PHF21B: variants seen among roughly 807,000 people sequenced by gnomAD.
PHF21B encodes PHD finger protein 4.
Under a neutral mutation model 62.2 loss-of-function variants are expected in PHF21B, and 22 were observed. The observed-to-expected ratio is 0.35, with a 90% CI of 0.25 to 0.51. The LOEUF is 0.51. PHF21B is among the 20% of genes least tolerant of loss of function. PHF21B has a pLI of 0.97. For synonymous variants in PHF21B, 341 were observed against 314.7 expected, an observed-to-expected ratio of 1.08 and a Z score of -0.88; for missense variants, 701 against 707.9, an observed-to-expected ratio of 0.99 and a Z score of 0.11.
At chr22:44,903,843 G>A (rs1297315256) in intron 5 of PHF21B, among the ~76,000 whole-genome samples, 1 of 151,990 alleles carries the variant, frequency 6.6e-6, no homozygotes, top group Non-Finnish European at 1.5e-5. Context: ...TGTTTATTTA[G>A]GTATGCCTCT....
chr22:44,950,855 C>T (rs369924261), intron 2 of PHF21B, among the ~76,000 whole-genome samples: 168 of 152,268 alleles, frequency 1.1e-3, no homozygotes, highest in African/African-American at 3.7e-3. Flanking sequence ...TCCAGAGACG[C>T]TTGATTTTTT....
chr22:44,915,749 C>T (rs1308380543), intron 4 of PHF21B, among the ~76,000 whole-genome samples: 1 of 152,182 alleles, frequency 6.6e-6, no homozygotes, highest in East Asian at 1.9e-4. Flanking sequence ...ATGAGGCAGC[C>T]CCGAAGGCCT....
chr22:44,883,031 T>A lies in PHF21B; in HGVS notation c.*55A>T. 6.6e-7 allele frequency: 1 copy of A among 1,520,600 alleles called. No individual in the cohort carries two copies. The highest frequency in any genetic ancestry group is 2.3e-5 in the East Asian group (1 of 43,984). The allele number at this position is 1,520,600 out of a possible 1,614,324, so 94.2% of individuals were successfully genotyped here. ...ATTAAGGCCGACAGAACCCCCAGGC[T>A]GTGTAAGCAGGGTCCCAATAACTTT... On this transcript the variant is annotated 3_prime_UTR_variant, in exon 13 of 13. Coordinates refer to ENST00000313237, the MANE Select transcript of PHF21B (RefSeq NM_138415.5).
At chr22:44,945,371 G>A (rs1357864083) in intron 2 of PHF21B, among the ~76,000 whole-genome samples, 1 of 152,208 alleles carries the variant, frequency 6.6e-6, no homozygotes, top group African/African-American at 2.4e-5. Context: ...AAGCATGGGA[G>A]GCACTTGTCT....
rs148608114 is a variant in PHF21B at position 44,955,903 on chromosome 22, C to T, written c.121-35413G>A. Reference sequence around the variant, plus strand: ...TCGGGCCATGGTCAGCACTCAAAGACGCTTCCGTCATATTACAGATGAGGA... The same window carrying T: ...TCGGGCCATGGTCAGCACTCAAAGATGCTTCCGTCATATTACAGATGAGGA... On this transcript the variant is annotated intron_variant, in intron 2 of 12. Transcript: ENST00000313237. 2.6e-5 allele frequency among the ~76,000 whole-genome samples: 4 copies of T among 152,326 alleles called. No homozygotes were observed. In the East Asian group the frequency reaches 7.7e-4, roughly 29 times the overall value.
intron 6 of PHF21B, 79 bp downstream of exon 6, chr22:44,895,953 A>T: frequency 6.6e-7 from 1 of 1,505,276 alleles, no homozygotes; most frequent in African/African-American, 1.4e-5. Context: ...CAGACCACCC[A>T]TCATCACACC....
At chr22:44,985,732 T>C (rs2072933562) in intron 2 of PHF21B, among the ~76,000 whole-genome samples, 1 of 152,204 alleles carries the variant, frequency 6.6e-6, no homozygotes, top group Non-Finnish European at 1.5e-5. Context: ...AAAACACTTT[T>C]ACTCACCATA....
chr22:44,884,452 C>T (rs1160877646), intron 12 of PHF21B, among the ~76,000 whole-genome samples: 4 of 127,110 alleles, frequency 3.1e-5, no homozygotes, highest in African/African-American at 1.2e-4. Context: ...ACCACCATCA[C>T]GGTGATGAGC....
At chr22:44,979,258 A>T (rs536647664) in intron 2 of PHF21B, among the ~76,000 whole-genome samples, 8 of 152,358 alleles carry the variant, frequency 5.3e-5, no homozygotes, top group Middle Eastern at 6.8e-3. Context: ...CTCTCTGAGC[A>T]GCCCTGGTCC....
chr22:44,990,209 GC>G (rs1377262511), intron 2 of PHF21B, among the ~76,000 whole-genome samples: 1 of 152,172 alleles, frequency 6.6e-6, no homozygotes, highest in South Asian at 2.1e-4. Flanking sequence ...CCTGGACTAT[GC>G]CCCCAGAGGA....
At chr22:44,890,641 A>T (rs2070946668) in intron 8 of PHF21B, among the ~76,000 whole-genome samples, 1 of 152,264 alleles carries the variant, frequency 6.6e-6, no homozygotes, top group African/African-American at 2.4e-5. Flanking sequence ...ATGGTTTTCT[A>T]ACTGAAGAGA....
intron 2 of PHF21B, among the ~76,000 whole-genome samples, chr22:44,923,957 G>A (rs181156731): frequency 6.9e-4 from 105 of 151,342 alleles, no homozygotes; most frequent in African/African-American, 2.4e-3. Flanking sequence ...GCTGCAGTGA[G>A]CCATGATTGC....
In PHF21B at chr22:44,969,379, G is replaced by A. The variant is rs909773193; in HGVS notation, c.120+39166C>T. On this transcript the variant is annotated intron_variant, in intron 2 of 12. Transcript: ENST00000313237. Reference sequence around the variant, plus strand: ...CCTCCATTTCTGCAACTGAAAAATGGAGCCGGCCGGGCACGGTGGCTCGCA... The same window carrying A: ...CCTCCATTTCTGCAACTGAAAAATGAAGCCGGCCGGGCACGGTGGCTCGCA... Among the ~76,000 whole-genome samples, 3 of 152,222 alleles carry A rather than the reference G, an allele frequency of 2.0e-5. No individual in the cohort carries two copies. The East Asian group carries it at 5.8e-4, about 29-fold the overall frequency.
rs756342796 is a variant in PHF21B, at chr22:44,920,394, T to C, written c.213+4A>G. On this transcript the variant is annotated splice_donor_region_variant and intron_variant, in intron 3 of 12. Transcript: ENST00000313237. ...ACCCCAGGGCCCGCCCGAGGGCTGC[T>C]TACCTGAGGTAGCACTGCCGCTCCT... The C allele has an allele frequency of 6.2e-7, 1 of 1,606,846 alleles. No homozygotes were observed. Among genetic ancestry groups the C allele is most frequent in the Non-Finnish European group, 8.5e-7 (1 of 1,175,680 alleles).
At chr22:44,898,632 T>C (rs999491887) in intron 5 of PHF21B, among the ~76,000 whole-genome samples, 1 of 152,202 alleles carries the variant, frequency 6.6e-6, no homozygotes, top group African/African-American at 2.4e-5. Context: ...AATTTTAAAA[T>C]GCATCAATTT....
At chr22:44,886,072 G>A (rs1476134896) in intron 10 of PHF21B, 134 bp from the exon 11 acceptor site, 1 of 734,750 alleles carries the variant, frequency 1.4e-6, no homozygotes, top group African/African-American at 1.8e-5. Context: ...ACCAGGAGCT[G>A]GGGCCGCACA....
intron 2 of PHF21B, among the ~76,000 whole-genome samples, chr22:45,005,456 A>G (rs111694613): frequency 1.3e-5 from 2 of 152,222 alleles, no homozygotes; most frequent in Admixed American, 6.5e-5. Flanking sequence ...TCCGAATGGT[A>G]GGACAAAAAC....
chr22:44,941,868 G>T (rs2071965150), intron 2 of PHF21B, among the ~76,000 whole-genome samples: 1 of 152,284 alleles, frequency 6.6e-6, no homozygotes, highest in East Asian at 1.9e-4. Flanking sequence ...AGGTACAGGG[G>T]ACACAGCACT....
chr22:44,968,670 G>T (rs1324184162), intron 2 of PHF21B, among the ~76,000 whole-genome samples: 8 of 149,880 alleles, frequency 5.3e-5, no homozygotes, highest in Admixed American at 4.0e-4. Context: ...AAAAATACCT[G>T]GGACCATACA....
Sources: allele counts gnomAD v4.1 joint callset (sites outside exome capture counted in the v4.1 genomes callset), GRCh38; gene constraint gnomAD v4.1.1; transcripts MANE v1.5; gene names NCBI Gene and HGNC (gene_info 2026-07-23, HGNC 2026-07-21).